ZNF778: variants seen among roughly 807,000 people sequenced by gnomAD.
The protein encoded by ZNF778 is zinc finger protein 778.
A neutral mutation model predicts 23.9 loss-of-function variants in ZNF778; 37 were observed. The observed-to-expected ratio is 1.54, with a 90% confidence interval of 1.19 to 2.03. ZNF778 has a LOEUF of 2.03. Among genes scored for constraint, ZNF778 ranks in the 30% most tolerant of loss-of-function variants. The pLI, the probability that ZNF778 is intolerant of heterozygous loss-of-function variation, is 0.00. For missense variants in ZNF778, 1,297 were observed against 934.4 expected (o/e 1.39, Z -5.06); for synonymous variants, 483 against 343.9 (o/e 1.40, Z -4.48).
In ZNF778 at chr16:89,234,143, G is replaced by A. The variant is rs1316270562; in HGVS notation, c.*5581G>A. Reference sequence around the variant, plus strand: ...TGTGAGTGATAAACTTTCCATGTCAGGAACCTGTGTGTGTCACTCACTCAC... The same window carrying A: ...TGTGAGTGATAAACTTTCCATGTCAAGAACCTGTGTGTGTCACTCACTCAC... On this transcript the variant is annotated 3_prime_UTR_variant, in exon 7 of 7. Transcript: ENST00000433976. 2.2e-6 allele frequency: 1 copy of A among 449,676 alleles called. No homozygotes were observed. The highest frequency in any genetic ancestry group is 2.5e-5 in the Admixed American group (1 of 40,210). 27.9% of individuals were successfully genotyped at this position (449,676 alleles called of 1,614,324 possible). A position where few individuals can be genotyped will look rare whatever the true frequency, so the allele number is the denominator to read the frequency against.
At position 89,227,758 on chromosome 16, in the gene ZNF778, A is replaced by C. The variant is rs754753826; in HGVS notation, c.1470A>C (p.Ser490=). The C allele has an allele frequency of 3.1e-6, 5 of 1,613,014 alleles. No homozygotes were observed. In the African/African-American group the frequency reaches 6.7e-5, roughly 22 times the overall value. The change falls in exon 7 of 7, where the codon TCA becomes TCC. Residue 490 remains serine, a synonymous_variant. Transcript: ENST00000433976. ...GTGGGAAATCCTTCACTGTTTCTTC[A>C]AGCCTGACTGAGCACGCGAGAATCC... ...KDCGKSFTVS[S]SLTEHARIHT... is the part of the protein sequence containing the mutation.
chr16:89,223,216 G>A lies in ZNF778; in HGVS notation c.177G>A (p.Leu59=), dbSNP rs12920028. The part of the protein sequence containing the change: ...VDFTQEEWTL[L]DPSQRDLYRD... The stretch of plus-strand genomic sequence containing the variant: ...TCACCCAGGAGGAATGGACTTTACT[G>A]GACCCATCTCAGAGAGACCTCTACA... Residue 59 remains leucine (L), a synonymous_variant, in exon 4 of 7, where the codon CTG becomes CTA. Coordinates refer to ENST00000433976, the MANE Select transcript of ZNF778 (RefSeq NM_001201407.2). 112,372 of 1,613,866 alleles carry A rather than the reference G, an allele frequency of 0.07. 4,986 individuals carry two copies. Among genetic ancestry groups the A allele is most frequent in the African/African-American group, 0.18 (13,332 of 74,958 alleles).
In ZNF778 at chr16:89,229,481, C is replaced by G. The variant is rs1245566057; in HGVS notation, c.*919C>G. On this transcript the variant is annotated 3_prime_UTR_variant, in exon 7 of 7. Transcript: ENST00000433976. Reference sequence around the variant, plus strand: ...TGATTCTGTGTGAGCAGCGTAGGCTCTGGTTGGTTAGTCTTGAGGATCCAG... The same window carrying G: ...TGATTCTGTGTGAGCAGCGTAGGCTGTGGTTGGTTAGTCTTGAGGATCCAG... 1.1e-5 allele frequency: 11 copies of G among 974,046 alleles called. No individual in the cohort carries two copies. The highest frequency in any genetic ancestry group is 1.3e-5 in the Non-Finnish European group (11 of 827,294). The allele number at this position is 974,046 out of a possible 1,614,324, so 60.3% of individuals were successfully genotyped here.
At position 89,227,575 on chromosome 16, in the gene ZNF778, C is replaced by T. The variant is rs1395794748; in HGVS notation, c.1287C>T (p.Ala429=). 2 of 1,614,130 alleles carry T rather than the reference C, an allele frequency of 1.2e-6. No homozygotes were observed. Among genetic ancestry groups the T allele is most frequent in the Non-Finnish European group, 1.7e-6 (2 of 1,180,030 alleles). The stretch of plus-strand genomic sequence containing the variant: ...ATACATGCAGCTACTGTGGGAAGGC[C>T]TTCACTGTGCGCTGTGGCCTTACTA... The part of the protein sequence containing the change: ...KPYTCSYCGK[A]FTVRCGLTRH... The change falls in exon 7 of 7, where the codon GCC becomes GCT. Residue 429 remains alanine (A), a synonymous_variant. Coordinates refer to ENST00000433976, the MANE Select transcript of ZNF778 (RefSeq NM_001201407.2).
At chr16:89,218,417 C>G (rs138764628) in intron 1 of ZNF778, 2 of 152,348 alleles carry the variant, frequency 1.3e-5, no homozygotes, top group Non-Finnish European at 2.9e-5. Context: ...TGATACTTAA[C>G]CTTTAAATAC....
rs376976665 is a variant in ZNF778 at position 89,228,316 on chromosome 16, C to T, written c.2028C>T (p.Asn676=). 45 of 1,606,484 alleles carry T rather than the reference C, an allele frequency of 2.8e-5. No homozygotes were observed. In the East Asian group the frequency reaches 3.8e-4, roughly 14 times the overall value. The change falls in exon 7 of 7, where the codon AAC becomes AAT. Residue 676 remains asparagine (N), a synonymous_variant. Coordinates refer to ENST00000433976, the MANE Select transcript of ZNF778 (RefSeq NM_001201407.2). ...THTGEKPYIC[N]ECGKAFRASS... is the part of the protein sequence containing the mutation. ...CAGGAGAGAAACCTTACATATGTAA[C>T]GAGTGTGGGAAAGCCTTCCGTGCCT...
At position 89,232,440 on chromosome 16, in the gene ZNF778, C is replaced by G. The variant is rs114984055; in HGVS notation, c.*3878C>G. On this transcript the variant is annotated 3_prime_UTR_variant, in exon 7 of 7. Transcript: ENST00000433976. Reference sequence around the variant, plus strand: ...GTAGCAACACAGACAGACTAAGACACCAAGCATGATGGAAAACTGGGTTAT... The same window carrying G: ...GTAGCAACACAGACAGACTAAGACAGCAAGCATGATGGAAAACTGGGTTAT... 5.6e-6 allele frequency: 2 copies of G among 354,302 alleles called. No individual in the cohort carries two copies. The highest frequency in any genetic ancestry group is 1.0e-5 in the Non-Finnish European group (2 of 191,478). The allele number at this position is 354,302 out of a possible 1,614,324, so 21.9% of individuals were successfully genotyped here. A position where few individuals can be genotyped will look rare whatever the true frequency, so the allele number is the denominator to read the frequency against.
chr16:89,233,742 T>C lies in ZNF778; in HGVS notation c.*5180T>C, dbSNP rs971108649. 1.9e-5 allele frequency: 22 copies of C among 1,169,476 alleles called. 1 individual carries two copies. The African/African-American group carries it at 2.1e-4, about 11-fold the overall frequency. 72.4% of individuals were successfully genotyped at this position (1,169,476 alleles called of 1,614,324 possible). ...TATGCAACTCAACTCGCACTGCATA[T>C]GCAACTCAACTCGCACTGCGTATGC... On this transcript the variant is annotated 3_prime_UTR_variant, in exon 7 of 7. Coordinates refer to ENST00000433976, the MANE Select transcript of ZNF778 (RefSeq NM_001201407.2).
In ZNF778 at chr16:89,221,165, G is replaced by T; in HGVS notation, c.25+13G>T. On this transcript the variant is annotated intron_variant, in intron 2 of 6. Transcript: ENST00000433976. ...GACCTGGCCCACGGTAAGTCCTGGTGGGGCTCCTTCTCAGAGCCTCTGCTC... is the reference window on the plus strand; with the variant it reads ...GACCTGGCCCACGGTAAGTCCTGGTTGGGCTCCTTCTCAGAGCCTCTGCTC... 1.3e-6 allele frequency: 2 copies of T among 1,557,392 alleles called. No individual in the cohort carries two copies. Among genetic ancestry groups the T allele is most frequent in the Non-Finnish European group, 8.7e-7 (1 of 1,151,050 alleles).
rs1271311452 is a variant in ZNF778, at chr16:89,227,697, C to G, written c.1409C>G (p.Thr470Ser). Residue 470 changes from threonine to serine, a missense_variant, in exon 7 of 7, where the codon ACT becomes AGT. Transcript: ENST00000433976. ...TCGGGCCTTACTGAGCATGTAAGGACTCACACTGGAGAGAAACCATATGAA... is the reference window on the plus strand; with the variant it reads ...TCGGGCCTTACTGAGCATGTAAGGAGTCACACTGGAGAGAAACCATATGAA... ...TSSGLTEHVR[T>S]HTGEKPYECK... 6 of 1,614,176 alleles carry G rather than the reference C, an allele frequency of 3.7e-6. No homozygotes were observed. Among genetic ancestry groups the G allele is most frequent in the Non-Finnish European group, 5.1e-6 (6 of 1,180,020 alleles).
chr16:89,224,010 G>A (rs1325794437), intron 4 of ZNF778, among the ~76,000 whole-genome samples: 2 of 151,546 alleles, frequency 1.3e-5, no homozygotes, highest in Admixed American at 1.3e-4. Context: ...GCTCAGGGCT[G>A]TAATCCCAGC....
Position 89,231,174 on chromosome 16 carries a change from G to C in ZNF778, c.*2612G>C, listed in dbSNP as rs2031906441. 6.6e-6 allele frequency: 1 copy of C among 152,264 alleles called. No homozygotes were observed. Among genetic ancestry groups the C allele is most frequent in the African/African-American group, 2.4e-5 (1 of 41,444 alleles). 9.4% of individuals were successfully genotyped at this position (152,264 alleles called of 1,614,324 possible). A position where few individuals can be genotyped will look rare whatever the true frequency, so the allele number is the denominator to read the frequency against. Reference sequence around the variant, plus strand: ...GTTGCCACCTTTAATTGTTGGCATTGACACTAAAGGTCATCAGATTAGCGG... The same window carrying C: ...GTTGCCACCTTTAATTGTTGGCATTCACACTAAAGGTCATCAGATTAGCGG... On this transcript the variant is annotated 3_prime_UTR_variant, in exon 7 of 7. Coordinates refer to ENST00000433976, the MANE Select transcript of ZNF778 (RefSeq NM_001201407.2).
Position 89,221,989 on chromosome 16 carries a change from A to G in ZNF778, c.26-103A>G, listed in dbSNP as rs1051465348. 1.3e-5 allele frequency: 9 copies of G among 716,896 alleles called. No homozygotes were observed. In the East Asian group the frequency reaches 2.2e-4, roughly 17 times the overall value. The allele number at this position is 716,896 out of a possible 1,614,324, so 44.4% of individuals were successfully genotyped here. A position where few individuals can be genotyped will look rare whatever the true frequency, so the allele number is the denominator to read the frequency against. Reference sequence around the variant, plus strand: ...TGCGTTTTCCTGAGTGTGCAGGAGTACGTGATAATTTCCTGCTAGGATGGA... The same window carrying G: ...TGCGTTTTCCTGAGTGTGCAGGAGTGCGTGATAATTTCCTGCTAGGATGGA... On this transcript the variant is annotated intron_variant, in intron 2 of 6. Transcript: ENST00000433976.
Position 89,226,775 on chromosome 16 carries a change from C to G in ZNF778, c.487C>G (p.His163Asp), listed in dbSNP as rs1294302294. Reference sequence around the variant, plus strand: ...CAGTGAACACTCAGGCCTCAGCACACACGTGAGAACTCAAAATACAGGAGA... The same window carrying G: ...CAGTGAACACTCAGGCCTCAGCACAGACGTGAGAACTCAAAATACAGGAGA... The part of the protein sequence containing the change: ...AFSEHSGLST[H>D]VRTQNTGDSC... Residue 163 changes from histidine (H) to aspartate (D), a missense_variant, in exon 7 of 7, where the codon CAC (histidine) becomes GAC (aspartate). Coordinates refer to ENST00000433976, the MANE Select transcript of ZNF778 (RefSeq NM_001201407.2). The G allele has an allele frequency of 1.2e-6, 2 of 1,614,020 alleles. No homozygotes were observed. The highest frequency in any genetic ancestry group is 1.1e-5 in the South Asian group (1 of 91,076).
chr16:89,227,653 G>A lies in ZNF778; in HGVS notation c.1365G>A (p.Gly455=), dbSNP rs776033787. ...GEKPYTCKDC[G]KAFCTSSGLT... ...AGCCATACACGTGTAAGGACTGCGG[G>A]AAAGCCTTCTGTACATCCTCGGGCC... The change falls in exon 7 of 7, where the codon GGG becomes GGA. Residue 455 remains glycine, a synonymous_variant. Coordinates refer to ENST00000433976, the MANE Select transcript of ZNF778 (RefSeq NM_001201407.2). 1 of 1,614,050 alleles carries A rather than the reference G, an allele frequency of 6.2e-7. No individual in the cohort carries two copies. The highest frequency in any genetic ancestry group is 2.2e-5 in the East Asian group (1 of 44,896).
Position 89,233,535 on chromosome 16 carries a change from G to A in ZNF778, c.*4973G>A, listed in dbSNP as rs571064560. 56 of 1,282,060 alleles carry A rather than the reference G, an allele frequency of 4.4e-5. No homozygotes were observed. In the East Asian group the frequency reaches 5.1e-4, roughly 12 times the overall value. 79.4% of individuals were successfully genotyped at this position (1,282,060 alleles called of 1,614,324 possible). On this transcript the variant is annotated 3_prime_UTR_variant, in exon 7 of 7. Coordinates refer to ENST00000433976, the MANE Select transcript of ZNF778 (RefSeq NM_001201407.2). ...GTGTATGCAACTCAACTCGCACTGC[G>A]TATGCAAATCAACTCACTGCATATG...
intron 2 of ZNF778, among the ~76,000 whole-genome samples, 192 bp from the exon 3 acceptor site, chr16:89,221,900 G>A (rs2030992972): frequency 6.6e-6 from 1 of 151,930 alleles, no homozygotes. Flanking sequence ...ATGGCTTTGT[G>A]TGTGTGTTTT....
At position 89,228,795 on chromosome 16, in the gene ZNF778, T is replaced by G. The variant is rs994648958; in HGVS notation, c.*233T>G. On this transcript the variant is annotated 3_prime_UTR_variant, in exon 7 of 7. Transcript: ENST00000433976. ...ATGGTATCCAGTAGAGAGAACTCTA[T>G]TGATGTGTGATATGCAGCAGCATTG... is the stretch of plus-strand genomic sequence containing the variant. 7.7e-7 allele frequency: 1 copy of G among 1,298,614 alleles called. No homozygotes were observed. Among genetic ancestry groups the G allele is most frequent in the African/African-American group, 1.5e-5 (1 of 67,024 alleles). The allele number at this position is 1,298,614 out of a possible 1,614,324, so 80.4% of individuals were successfully genotyped here. A position where few individuals can be genotyped will look rare whatever the true frequency, so the allele number is the denominator to read the frequency against.
rs942537462 is a variant in ZNF778, at chr16:89,217,920, G to A, written c.-132+10G>A. The stretch of plus-strand genomic sequence containing the variant: ...CCATTCCGCGGAGCTGGTGAGAGAG[G>A]GGCCCTTTGCTTCCTTCACTTTGAA... On this transcript the variant is annotated intron_variant, in intron 1 of 6. Transcript: ENST00000433976. 1 of 152,308 alleles carries A rather than the reference G, an allele frequency of 6.6e-6. No individual in the cohort carries two copies. Among genetic ancestry groups the A allele is most frequent in the Non-Finnish European group, 1.5e-5 (1 of 68,086 alleles). 9.4% of individuals were successfully genotyped at this position (152,308 alleles called of 1,614,324 possible).
Sources: allele counts gnomAD v4.1 joint callset (sites outside exome capture counted in the v4.1 genomes callset), GRCh38; gene constraint gnomAD v4.1.1; transcripts MANE v1.5; gene names NCBI Gene and HGNC (gene_info 2026-07-23, HGNC 2026-07-21).